Variants in SMG9 observed in about 807,000 individuals in gnomAD.
SMG9 encodes nonsense-mediated mRNA decay factor SMG9.
SMG9 carries 55 observed loss-of-function variants against 64.0 expected under a neutral mutation model. The ratio of observed to expected loss-of-function variants is 0.86; its 90% CI spans 0.69 to 1.08. The LOEUF (loss-of-function observed/expected upper bound fraction) is 1.08, where lower values mean the gene tolerates loss of function less well. Among genes scored for constraint, SMG9 ranks in the 50% least tolerant of loss-of-function variants. The probability of loss-of-function intolerance (pLI) is 0.00; values close to 1 mark genes in which losing one functional copy is unlikely to be tolerated. For synonymous variants in SMG9, 244 were observed against 254.8 expected, an observed-to-expected ratio of 0.96 and a Z score of 0.41; for missense variants, 554 against 681.3, an observed-to-expected ratio of 0.81 and a Z score of 2.08.
chr19:43,746,769 G>C (rs992487385), intron 5 of SMG9, among the ~76,000 whole-genome samples: 3 of 151,906 alleles, frequency 2.0e-5, no homozygotes, highest in Admixed American at 2.0e-4. Flanking sequence ...GTCACTTTGG[G>C]GGAGTGACAT....
rs1341902242 is a variant in SMG9 at position 43,738,172 on chromosome 19, G to T, written c.859C>A (p.Arg287Ser). 1.9e-6 allele frequency: 3 copies of T among 1,614,044 alleles called. No homozygotes were observed. The highest frequency in any genetic ancestry group is 2.2e-5 in the East Asian group (1 of 44,888). ...AGGTTGTACTCTGGAGGCAGTTTGCGGTCATTATTGATGAGATGGTCTAGG... is the reference window on the plus strand; with the variant it reads ...AGGTTGTACTCTGGAGGCAGTTTGCTGTCATTATTGATGAGATGGTCTAGG... ...SILDHLINNDRKLPPEYNLPH... is the reference protein window; with the variant it reads ...SILDHLINNDSKLPPEYNLPH... Residue 287 changes from arginine (R) to serine (S), a missense_variant, in exon 8 of 14, where the codon CGC (arginine) becomes AGC (serine). Transcript: ENST00000270066.
chr19:43,752,760 G>C (rs915773530), intron 1 of SMG9, among the ~76,000 whole-genome samples: 3 of 151,866 alleles, frequency 2.0e-5, no homozygotes, highest in African/African-American at 7.3e-5. Flanking sequence ...GAAAAAAGTA[G>C]CTGGGCGTGG....
Position 43,747,794 on chromosome 19 carries a change from G to A in SMG9, c.329C>T (p.Pro110Leu). The A allele has an allele frequency of 6.2e-7, 1 of 1,606,286 alleles. No individual in the cohort carries two copies. Among genetic ancestry groups the A allele is most frequent in the South Asian group, 1.1e-5 (1 of 90,228 alleles). ...LMKPREEGKG[P>L]VAVTGASTPE... Reference sequence around the variant, plus strand: ...GGTAGAGGCACCTGTCACGGCCACAGGCCCCTTCCCCTCCTCCCGTGGCTT... The same window carrying A: ...GGTAGAGGCACCTGTCACGGCCACAAGCCCCTTCCCCTCCTCCCGTGGCTT... Residue 110 changes from proline to leucine, a missense_variant, in exon 4 of 14, where the codon CCT becomes CTT. Transcript: ENST00000270066.
intron 9 of SMG9, among the ~76,000 whole-genome samples, chr19:43,737,024 G>A (rs1336097555): frequency 2.0e-5 from 3 of 152,088 alleles, no homozygotes; most frequent in Non-Finnish European, 4.4e-5. Context: ...CTATAATTCC[G>A]GCACTTTAGG....
At chr19:43,738,247 T>C (rs770645681) in intron 7 of SMG9, 30 bp from the exon 8 acceptor site, 2 of 1,596,464 alleles carry the variant, frequency 1.3e-6, no homozygotes, top group Non-Finnish European at 1.7e-6. Context: ...AGAGTGTCAC[T>C]CAGATACCCA....
At chr19:43,732,220 T>C (rs913776429) in intron 13 of SMG9, 12 of 158,908 alleles carry the variant, frequency 7.6e-5, no homozygotes, top group Non-Finnish European at 1.5e-4. Flanking sequence ...GGAGCCAAGT[T>C]AGAGAGGCTG....
intron 12 of SMG9, 91 bp downstream of exon 12, chr19:43,733,233 C>T: frequency 6.5e-7 from 1 of 1,531,648 alleles, no homozygotes; most frequent in Non-Finnish European, 8.8e-7. Flanking sequence ...ACCAGGGCAA[C>T]CCATGTCGCC....
rs190331166 is a variant in SMG9 at position 43,751,606 on chromosome 19, G to A, written c.-6-859C>T. On this transcript the variant is annotated intron_variant, in intron 1 of 13. Transcript: ENST00000270066. ...TGTTTGCAGTTAGGTGTGGCCATGTGAGTAAGTACTTTCTGGCTATGGTAT... is the reference window on the plus strand; with the variant it reads ...TGTTTGCAGTTAGGTGTGGCCATGTAAGTAAGTACTTTCTGGCTATGGTAT... Among the ~76,000 whole-genome samples the A allele has an allele frequency of 2.7e-3, 405 of 152,368 alleles. 1 individual carries two copies. The highest frequency in any genetic ancestry group is 9.1e-3 in the African/African-American group (378 of 41,584).
intron 6 of SMG9, among the ~76,000 whole-genome samples, chr19:43,744,034 C>A (rs560056793): frequency 6.6e-6 from 1 of 152,308 alleles, no homozygotes; most frequent in East Asian, 1.9e-4. Flanking sequence ...CAAATTCCTA[C>A]ATTTTTCCCT....
Position 43,737,637 on chromosome 19 carries a change from T to C in SMG9, c.955A>G (p.Ile319Val), listed in dbSNP as rs570754436. 1.9e-6 allele frequency: 3 copies of C among 1,613,872 alleles called. No individual in the cohort carries two copies. Among genetic ancestry groups the C allele is most frequent in the South Asian group, 2.2e-5 (2 of 91,054 alleles). ...AFLFTVCHVVIVVQDWFTDLS... is the reference protein window; with the variant it reads ...AFLFTVCHVVVVVQDWFTDLS... ...TCTGTGAACCAGTCCTGGACAACAA[T>C]CACCACATGGCAGACCGTGAAAAGG... The change falls in exon 9 of 14, where the codon ATT (isoleucine) becomes GTT (valine). Residue 319 changes from isoleucine (I) to valine (V), a missense_variant. Coordinates refer to ENST00000270066, the MANE Select transcript of SMG9 (RefSeq NM_019108.4).
intron 12 of SMG9, 86 bp from the exon 13 acceptor site, chr19:43,733,088 C>A: frequency 6.7e-7 from 1 of 1,485,870 alleles, no homozygotes; most frequent in Non-Finnish European, 9.0e-7. Flanking sequence ...TCAAGGAGCA[C>A]CTGAGAGTTC....
chr19:43,735,696 C>T (rs1221726524), intron 9 of SMG9, among the ~76,000 whole-genome samples: 1 of 144,892 alleles, frequency 6.9e-6, no homozygotes, highest in East Asian at 2.0e-4. Flanking sequence ...TAATTTTTTA[C>T]AATAGGTTAA....
chr19:43,753,266 C>T (rs374854518), intron 1 of SMG9, among the ~76,000 whole-genome samples: 29 of 152,244 alleles, frequency 1.9e-4, no homozygotes, highest in African/African-American at 6.7e-4. Flanking sequence ...GATGGAGATT[C>T]TCCCCAGAAT....
rs748313313 is a variant in SMG9 at position 43,732,817 on chromosome 19, TG to T, written c.1484+40del. 1.9e-6 allele frequency: 3 copies of T among 1,612,378 alleles called. No homozygotes were observed. In the South Asian group the frequency reaches 3.3e-5, roughly 18 times the overall value. ...ACGCCCCCTTCTCTCTACACCAGGGTGGGGTGCCTCAAATTGACCCCCTCTG... is the reference window on the plus strand; with the variant it reads ...ACGCCCCCTTCTCTCTACACCAGGGTGGGTGCCTCAAATTGACCCCCTCTG... On this transcript the variant is annotated intron_variant, in intron 13 of 13. Transcript: ENST00000270066.
chr19:43,748,023 G>A lies in SMG9; in HGVS notation c.180C>T (p.Val60=), dbSNP rs759553831. The A allele has an allele frequency of 1.9e-6, 3 of 1,612,954 alleles. No individual in the cohort carries two copies. The highest frequency in any genetic ancestry group is 2.5e-6 in the Non-Finnish European group (3 of 1,179,532). The change falls in exon 3 of 14, where the codon GTC becomes GTT. Residue 60 remains valine (V), a synonymous_variant. Transcript: ENST00000270066. ...AGAGGATGATGGGGGTTTTCTGCAT[G>A]ACGGAAGTGCTTGTCTCTTCGCTGG... ...RDASEETSTS[V]MQKTPIILSK... is the part of the protein sequence containing the mutation.
chr19:43,731,327 T>C lies in SMG9; in HGVS notation c.*269A>G. ...GCTTCCTGGTGACCATTCAGACTCC[T>C]CCCACTGCTTGTCCCTGTGGAGGAC... On this transcript the variant is annotated 3_prime_UTR_variant, in exon 14 of 14. Transcript: ENST00000270066. 7.9e-7 allele frequency: 1 copy of C among 1,258,952 alleles called. No individual in the cohort carries two copies. The allele number at this position is 1,258,952 out of a possible 1,614,324, so 78.0% of individuals were successfully genotyped here.
chr19:43,747,595 G>T, intron 4 of SMG9, 38 bp downstream of exon 4: 1 of 1,613,976 alleles, frequency 6.2e-7, no homozygotes, highest in Non-Finnish European at 8.5e-7. Context: ...GTGAGGAGAC[G>T]CCAGTTCCCA....
intron 7 of SMG9, among the ~76,000 whole-genome samples, chr19:43,739,332 A>G (rs1019083788): frequency 2.6e-5 from 4 of 152,122 alleles, no homozygotes; most frequent in African/African-American, 9.7e-5. Context: ...ATGCACTGAA[A>G]CCTCACAAAA....
At position 43,737,637 on chromosome 19, in the gene SMG9, T is replaced by A. The variant is rs570754436; in HGVS notation, c.955A>T (p.Ile319Phe). The A allele has an allele frequency of 5.6e-6, 9 of 1,613,754 alleles. No individual in the cohort carries two copies. The Admixed American group carries it at 1.2e-4, about 21-fold the overall frequency. The change falls in exon 9 of 14, where the codon ATT becomes TTT. Residue 319 changes from isoleucine (I) to phenylalanine (F), a missense_variant. Physicochemically the swap from Ile to Phe is conservative, Grantham distance 21 (BLOSUM62 0). Transcript: ENST00000270066. The part of the protein sequence containing the change: ...AFLFTVCHVV[I>F]VVQDWFTDLS... ...TCTGTGAACCAGTCCTGGACAACAA[T>A]CACCACATGGCAGACCGTGAAAAGG... is the stretch of plus-strand genomic sequence containing the variant.
Sources: allele counts gnomAD v4.1 joint callset (sites outside exome capture counted in the v4.1 genomes callset), GRCh38; gene constraint gnomAD v4.1.1; transcripts MANE v1.5; gene names NCBI Gene and HGNC (gene_info 2026-07-23, HGNC 2026-07-21).